HYDIN: variants seen among roughly 807,000 people sequenced by gnomAD.
HYDIN encodes axonemal central pair apparatus protein HYDIN.
Under a neutral mutation model 403.9 loss-of-function variants are expected in HYDIN, and 132 were observed. The observed-to-expected ratio is 0.33, with a 90% CI of 0.28 to 0.38. The LOEUF (loss-of-function observed/expected upper bound fraction) is 0.38, where lower values mean the gene tolerates loss of function less well. HYDIN is among the 10% of genes least tolerant of loss of function. HYDIN has a pLI of 1.00. For missense variants in HYDIN, 2,827 were observed against 5,009.5 expected (o/e 0.56, Z 13.15); for synonymous variants, 1,202 against 1,891.7 (o/e 0.64, Z 9.46).
chr16:71,202,535 T>C (rs750219587), intron 1 of HYDIN, among the ~76,000 whole-genome samples: 6 of 152,194 alleles, frequency 3.9e-5, no homozygotes, highest in Admixed American at 6.5e-5. Flanking sequence ...GTGACTTCTT[T>C]ATGAAAGAAA....
intron 19 of HYDIN, among the ~76,000 whole-genome samples, chr16:71,031,193 C>G (rs1472163573): frequency 7.6e-6 from 1 of 132,392 alleles, no homozygotes; most frequent in South Asian, 2.5e-4. Context: ...GAGCAAGACT[C>G]CATCTCAAAA....
intron 9 of HYDIN, among the ~76,000 whole-genome samples, chr16:71,125,986 TGGA>T (rs1568192461): frequency 7.9e-5 from 12 of 151,588 alleles, no homozygotes; most frequent in Non-Finnish European, 1.0e-4. Context: ...TGGACCCCAG[TGGA>T]TGCTCTGTGG....
Position 71,097,794 on chromosome 16 carries a change from G to C in HYDIN, c.1328-3859C>G, listed in dbSNP as rs887125106. Among the ~76,000 whole-genome samples, 10 of 149,704 alleles carry C rather than the reference G, an allele frequency of 6.7e-5. No individual in the cohort carries two copies. The East Asian group carries it at 1.4e-3, about 21-fold the overall frequency. ...TATATTTGCTCTGTATGGACATTTT[G>C]AACGTTCAAAATACTTTTGATGCTT... On this transcript the variant is annotated intron_variant, in intron 10 of 85. Transcript: ENST00000393567.
At chr16:71,118,047 C>G (rs10852493) in intron 9 of HYDIN, among the ~76,000 whole-genome samples, 672 of 150,208 alleles carry the variant, frequency 4.5e-3, no homozygotes, top group African/African-American at 0.01. Context: ...GGTGCCTCCA[C>G]CAAGGAAGTC....
chr16:71,183,526 A>G (rs2086994980), intron 3 of HYDIN, among the ~76,000 whole-genome samples: 1 of 152,162 alleles, frequency 6.6e-6, no homozygotes, highest in Non-Finnish European at 1.5e-5. Flanking sequence ...ATGGGCTAAA[A>G]GATTAACTTA....
At chr16:70,975,009 G>C in intron 31 of HYDIN, 127 bp downstream of exon 31, 2 of 549,750 alleles carry the variant, frequency 3.6e-6, no homozygotes, top group Non-Finnish European at 6.5e-6. Flanking sequence ...TAAGTGAGGA[G>C]AGTGGATTTC....
intron 9 of HYDIN, among the ~76,000 whole-genome samples, chr16:71,122,014 A>AT (rs1440904571): frequency 6.9e-6 from 1 of 145,522 alleles, no homozygotes; most frequent in African/African-American, 2.5e-5. Flanking sequence ...AATAATGACC[A>AT]TAAAAGTTTC....
In HYDIN at chr16:70,922,737, T is replaced by A. The variant is rs536227008; in HGVS notation, c.7159-1520A>T. Reference sequence around the variant, plus strand: ...ACTGAATATCAACAAATGAGGACTATATCTAAAACAGTTTGGAAGTTTATA... The same window carrying A: ...ACTGAATATCAACAAATGAGGACTAAATCTAAAACAGTTTGGAAGTTTATA... On this transcript the variant is annotated intron_variant, in intron 45 of 85. Transcript: ENST00000393567. Among the ~76,000 whole-genome samples, 4 of 151,428 alleles carry A rather than the reference T, an allele frequency of 2.6e-5. No homozygotes were observed. The South Asian group carries it at 8.4e-4, about 32-fold the overall frequency.
At chr16:71,226,472 T>C (rs965935715) in intron 1 of HYDIN, among the ~76,000 whole-genome samples, 1 of 152,128 alleles carries the variant, frequency 6.6e-6, no homozygotes, top group African/African-American at 2.4e-5. Context: ...CCCAAAGCTA[T>C]GAAAGTCTGA....
chr16:70,863,085 C>T lies in HYDIN; in HGVS notation c.11569G>A (p.Gly3857Ser). The change falls in exon 68 of 86, where the codon GGT becomes AGT. Residue 3857 changes from glycine to serine, a missense_variant and splice_region_variant. Coordinates refer to ENST00000393567, the MANE Select transcript of HYDIN (RefSeq NM_001270974.2). ...AVSFAKPDHQGSAQKDQLSQG... is the reference protein window; with the variant it reads ...AVSFAKPDHQSSAQKDQLSQG... ...GGGTTTTACTTGCCACTGAATTTAC[C>T]TTGGTGATCTGGTTTTGCAAAGCTG... The T allele has an allele frequency of 1.2e-6, 2 of 1,613,970 alleles. No individual in the cohort carries two copies. The highest frequency in any genetic ancestry group is 1.7e-6 in the Non-Finnish European group (2 of 1,179,906).
chr16:71,037,386 G>A (rs933657355), intron 18 of HYDIN, among the ~76,000 whole-genome samples: 13 of 151,626 alleles, frequency 8.6e-5, no homozygotes, highest in Non-Finnish European at 8.8e-5. Context: ...GAAAAGGAGC[G>A]GCTATGGGGT....
chr16:70,925,446 T>C (rs745390858), intron 45 of HYDIN, among the ~76,000 whole-genome samples: 4 of 152,348 alleles, frequency 2.6e-5, no homozygotes, highest in Non-Finnish European at 1.5e-5. Flanking sequence ...TTACACCTTA[T>C]ACAAAAATCA....
At chr16:71,208,636 AATAAG>A (rs1285114690) in intron 1 of HYDIN, among the ~76,000 whole-genome samples, 1 of 152,216 alleles carries the variant, frequency 6.6e-6, no homozygotes, top group African/African-American at 2.4e-5. Context: ...TGAAACAATT[AATAAG>A]ATAGATAGAC....
Position 70,974,208 on chromosome 16 carries a change from G to A in HYDIN, c.5002C>T (p.Pro1668Ser), listed in dbSNP as rs865975985. The A allele has an allele frequency of 6.4e-7, 1 of 1,571,056 alleles. No individual in the cohort carries two copies. Among genetic ancestry groups the A allele is most frequent in the South Asian group, 1.2e-5 (1 of 85,300 alleles). ...AGAATGACTTCTTTGCTTCCAACAGGAAGATTGGCCCCCTGTGGGTCAAAT... is the reference window on the plus strand; with the variant it reads ...AGAATGACTTCTTTGCTTCCAACAGAAAGATTGGCCCCCTGTGGGTCAAAT... Reference protein sequence around the residue: ...VRFDPQGANLPVGSKEVILPI... With the variant: ...VRFDPQGANLSVGSKEVILPI... The change falls in exon 33 of 86, where the codon CCT becomes TCT. Residue 1668 changes from proline to serine, a missense_variant. By Grantham distance (74) the Pro-to-Ser change is moderately conservative. Coordinates refer to ENST00000393567, the MANE Select transcript of HYDIN (RefSeq NM_001270974.2).
chr16:70,979,183 G>A (rs577262073), intron 29 of HYDIN, 142 bp from the exon 30 acceptor site: 119 of 1,052,098 alleles, frequency 1.1e-4, no homozygotes, highest in Middle Eastern at 6.0e-4. Context: ...TGTCTGCCCC[G>A]CTTTCCCTGC....
chr16:71,106,531 C>T (rs568057390), intron 10 of HYDIN, among the ~76,000 whole-genome samples: 1 of 152,224 alleles, frequency 6.6e-6, no homozygotes, highest in East Asian at 1.9e-4. Flanking sequence ...GCTTTTGTAC[C>T]TCTTTCTACT....
At chr16:70,948,408 A>G (rs1420192447) in intron 41 of HYDIN, among the ~76,000 whole-genome samples, 6 of 152,062 alleles carry the variant, frequency 3.9e-5, no homozygotes, top group Non-Finnish European at 8.8e-5. Context: ...CAAGGACTTC[A>G]TATCTAAAAC....
In HYDIN at chr16:70,868,595, G is replaced by C; in HGVS notation, c.11285C>G (p.Pro3762Arg). Residue 3762 changes from proline (P) to arginine (R), a missense_variant, in exon 66 of 86, where the codon CCT becomes CGT. Physicochemically the swap from Pro to Arg is moderately radical, Grantham distance 103. Coordinates refer to ENST00000393567, the MANE Select transcript of HYDIN (RefSeq NM_001270974.2). ...VKWVDVPRNM[P>R]GTFTTKRKVI... ...TTTTCGTTTTGTAGTGAAAGTCCCA[G>C]GCATGTTTCTGGGTACGTCCACCCA... The C allele has an allele frequency of 6.2e-7, 1 of 1,612,962 alleles. No homozygotes were observed.
chr16:70,928,380 T>C (rs1289717011), intron 45 of HYDIN, among the ~76,000 whole-genome samples: 1 of 152,038 alleles, frequency 6.6e-6, no homozygotes, highest in African/African-American at 2.4e-5. Flanking sequence ...CACCTGAGCC[T>C]GGGGGAGATC....
Sources: gnomAD v4.1 joint callset for allele counts (sites outside exome capture counted in the v4.1 genomes callset) on GRCh38, gnomAD v4.1.1 for gene constraint, MANE v1.5 for transcripts, NCBI Gene and HGNC (gene_info 2026-07-23, HGNC 2026-07-21) for gene names.